The following DNAH9 variants were observed in gnomAD, a reference collection of about 807,000 sequenced individuals.
DNAH9 encodes DNAH9 variant protein.
DNAH9 carries 345 observed loss-of-function variants against 471.6 expected under a neutral mutation model. The ratio of observed to expected loss-of-function variants is 0.73; its 90% CI spans 0.67 to 0.80. DNAH9 has a LOEUF of 0.80. Among genes scored for constraint, DNAH9 ranks in the 30% least tolerant of loss-of-function variants. DNAH9 has a pLI of 0.00. For synonymous variants in DNAH9, 2,093 were observed against 2,123.6 expected (o/e 0.99, Z 0.40); for missense variants, 5,407 against 5,609.2 (o/e 0.96, Z 1.15).
intron 2 of DNAH9, among the ~76,000 whole-genome samples, chr17:11,609,636 T>G (rs549281414): frequency 1.3e-5 from 2 of 152,248 alleles, no homozygotes; most frequent in African/African-American, 2.4e-5. Flanking sequence ...TTTGTCGTTG[T>G]GTCCTTGATT....
intron 57 of DNAH9, among the ~76,000 whole-genome samples, chr17:11,889,945 G>T (rs903894201): frequency 1.3e-5 from 2 of 152,180 alleles, no homozygotes; most frequent in African/African-American, 4.8e-5. Context: ...GAGCTGTTCC[G>T]ACACCAGAAG....
At chr17:11,721,424 C>T (rs764992717) in intron 27 of DNAH9, among the ~76,000 whole-genome samples, 6 of 152,126 alleles carry the variant, frequency 3.9e-5, no homozygotes, top group Non-Finnish European at 8.8e-5. Flanking sequence ...CCTTCCTGGA[C>T]ACCAAATATC....
At chr17:11,791,318 C>T (rs1052782709) in intron 41 of DNAH9, among the ~76,000 whole-genome samples, 24 of 152,238 alleles carry the variant, frequency 1.6e-4, no homozygotes, top group Admixed American at 1.2e-3. Context: ...ACTAATAATA[C>T]AATTATAAAA....
intron 32 of DNAH9, 119 bp downstream of exon 32, chr17:11,747,885 G>A (rs889987374): frequency 2.9e-5 from 26 of 906,276 alleles, no homozygotes; most frequent in East Asian, 5.2e-5. Context: ...TTGGAACCGC[G>A]GAGGGAGACA....
intron 68 of DNAH9, among the ~76,000 whole-genome samples, chr17:11,965,976 G>A (rs1976679275): frequency 6.6e-6 from 1 of 152,102 alleles, no homozygotes; most frequent in Non-Finnish European, 1.5e-5. Context: ...ACACCATCAA[G>A]CATAACAACA....
intron 11 of DNAH9, among the ~76,000 whole-genome samples, chr17:11,645,719 TC>T (rs1274662728): frequency 6.6e-6 from 1 of 151,908 alleles, no homozygotes; most frequent in African/African-American, 2.4e-5. Flanking sequence ...ATGCTCACTC[TC>T]CCTTTGCCAC....
Position 11,797,668 on chromosome 17 carries a change from G to A in DNAH9, c.8295G>A (p.Glu2765=). The change falls in exon 43 of 69, where the codon GAG becomes GAA. Residue 2765 remains glutamate, a synonymous_variant. Coordinates refer to ENST00000262442, the MANE Select transcript of DNAH9 (RefSeq NM_001372.4). ...LYCHFANGIG[E]PKYMPVQSWE... is the part of the protein sequence containing the mutation. ...GTCACTTTGCAAATGGTATTGGGGA[G>A]CCCAAATACATGCCTGTACAGTCTT... is the stretch of plus-strand genomic sequence containing the variant. 1 of 1,614,190 alleles carries A rather than the reference G, an allele frequency of 6.2e-7. No homozygotes were observed. Among genetic ancestry groups the A allele is most frequent in the South Asian group, 1.1e-5 (1 of 91,088 alleles).
At chr17:11,925,037 T>G in intron 62 of DNAH9, 1 of 366,180 alleles carries the variant, frequency 2.7e-6, no homozygotes, top group East Asian at 7.6e-5. Flanking sequence ...CATGCTGGAG[T>G]TGTGGCAGAA....
chr17:11,911,690 TAAC>T (rs1303724097), intron 61 of DNAH9, among the ~76,000 whole-genome samples: 3 of 152,356 alleles, frequency 2.0e-5, no homozygotes, highest in Non-Finnish European at 2.9e-5. Context: ...ATTACCATCT[TAAC>T]AATATAAATC....
intron 20 of DNAH9, among the ~76,000 whole-genome samples, chr17:11,690,811 G>A (rs910857877): frequency 3.3e-5 from 5 of 152,098 alleles, no homozygotes; most frequent in Admixed American, 1.3e-4. Context: ...AGCGAGTCTC[G>A]TTTCCAGGCA....
intron 62 of DNAH9, chr17:11,925,559 C>G (rs763615533): frequency 6.5e-6 from 1 of 154,614 alleles, no homozygotes. Context: ...CCCCCTCAGG[C>G]ACATTTGCCA....
At chr17:11,846,484 G>A (rs1307396944) in intron 49 of DNAH9, among the ~76,000 whole-genome samples, 2,076 of 149,902 alleles carry the variant, frequency 0.014, 43 homozygotes, top group African/African-American at 0.048. Context: ...TTGGCGATGC[G>A]GGCTCTTTTT....
In DNAH9 at chr17:11,905,543, C is replaced by T; in HGVS notation, c.11601-118C>T. 5.4e-6 allele frequency: 6 copies of T among 1,101,798 alleles called. No individual in the cohort carries two copies. In the South Asian group the frequency reaches 9.7e-5, roughly 18 times the overall value. The allele number at this position is 1,101,798 out of a possible 1,614,324, so 68.3% of individuals were successfully genotyped here. A position where few individuals can be genotyped will look rare whatever the true frequency, so the allele number is the denominator to read the frequency against. On this transcript the variant is annotated intron_variant, in intron 60 of 68. Coordinates refer to ENST00000262442, the MANE Select transcript of DNAH9 (RefSeq NM_001372.4). ...CTTGGAGCCAGTCCTAGCTCTATAA[C>T]TACCTAGCCCATGACCTTGAGCATG...
chr17:11,738,084 C>T (rs1396748500), intron 28 of DNAH9, among the ~76,000 whole-genome samples: 6 of 152,210 alleles, frequency 3.9e-5, no homozygotes, highest in Non-Finnish European at 7.3e-5. Flanking sequence ...GATTCAAATC[C>T]TGATGCCCCA....
At position 11,698,182 on chromosome 17, in the gene DNAH9, T is replaced by TATTAATAATATATTAATTA. The variant is rs369729599; in HGVS notation, c.4873-1549_4873-1548insATTAATAATATATTAATTA. 1.7e-4 allele frequency among the ~76,000 whole-genome samples: 21 copies of TATTAATAATATATTAATTA among 120,326 alleles called. 1 individual carries two copies. Among genetic ancestry groups the TATTAATAATATATTAATTA allele is most frequent in the South Asian group, 1.2e-3 (5 of 4,250 alleles). 78.9% of individuals were successfully genotyped at this position (120,326 alleles called of 152,430 possible). On this transcript the variant is annotated intron_variant, in intron 22 of 68. Coordinates refer to ENST00000262442, the MANE Select transcript of DNAH9 (RefSeq NM_001372.4). Reference sequence around the variant, plus strand: ...AATATATTATTATATTAATATATTATTATATTAATATAATAATATATTAAT... The same window carrying TATTAATAATATATTAATTA: ...AATATATTATTATATTAATATATTATATTAATAATATATTAATTATATATTAATATAATAATATATTAAT...
At chr17:11,950,471 T>A (rs1057129035) in intron 67 of DNAH9, among the ~76,000 whole-genome samples, 1 of 152,094 alleles carries the variant, frequency 6.6e-6, no homozygotes, top group African/African-American at 2.4e-5. Context: ...GCTCAAGAGA[T>A]CTTCCCACCT....
At chr17:11,809,870 G>A (rs1424007755) in intron 44 of DNAH9, among the ~76,000 whole-genome samples, 1 of 152,144 alleles carries the variant, frequency 6.6e-6, no homozygotes, top group Non-Finnish European at 1.5e-5. Flanking sequence ...GTGTAAGACA[G>A]ATAAATGGGG....
chr17:11,687,006 C>T (rs2074253287), intron 19 of DNAH9, among the ~76,000 whole-genome samples: 1 of 152,136 alleles, frequency 6.6e-6, no homozygotes, highest in Non-Finnish European at 1.5e-5. Flanking sequence ...AGAATAAACA[C>T]AAGAACTCCT....
rs1971541440 is a variant in DNAH9 at position 11,854,305 on chromosome 17, C to CAAT, written c.9812_9814dup (p.Asn3271dup). The CAAT allele has an allele frequency of 3.7e-6, 6 of 1,614,016 alleles. No homozygotes were observed. The highest frequency in any genetic ancestry group is 5.1e-6 in the Non-Finnish European group (6 of 1,180,042). On this transcript the variant is annotated inframe_insertion, in exon 50 of 69. Coordinates refer to ENST00000262442, the MANE Select transcript of DNAH9 (RefSeq NM_001372.4). ...CTGCAGGCCTCTGCTCCTGGGTCAT[C>CAAT]AATATTGTGAGATTTTATGAGGTGT...
Sources: gnomAD v4.1 joint callset for allele counts (sites outside exome capture counted in the v4.1 genomes callset) on GRCh38, gnomAD v4.1.1 for gene constraint, MANE v1.5 for transcripts, NCBI Gene and HGNC (gene_info 2026-07-23, HGNC 2026-07-21) for gene names.